Variants in RALGAPA2 observed in about 807,000 individuals in gnomAD.
RALGAPA2 encodes Ral GTPase activating protein catalytic subunit alpha 2.
In RALGAPA2, 139 loss-of-function variants were observed where a neutral mutation model predicts 230.4. The observed-to-expected ratio is 0.60, with a 90% CI of 0.53 to 0.69. The LOEUF (loss-of-function observed/expected upper bound fraction) is 0.69. RALGAPA2 is among the 30% of genes least tolerant of loss of function. RALGAPA2 has a pLI of 0.00. For missense variants in RALGAPA2, 2,163 were observed against 2,276.0 expected (o/e 0.95, Z 1.01); for synonymous variants, 847 against 837.8 (o/e 1.01, Z -0.19).
chr20:20,673,110 G>T (rs977016953), intron 3 of RALGAPA2, among the ~76,000 whole-genome samples: 66 of 151,910 alleles, frequency 4.3e-4, no homozygotes, highest in Middle Eastern at 3.4e-3. Flanking sequence ...GCATGAACCC[G>T]GGAGGCGGAG....
chr20:20,452,362 A>C (rs1466091484), intron 37 of RALGAPA2, among the ~76,000 whole-genome samples: 1 of 152,194 alleles, frequency 6.6e-6, no homozygotes, highest in Non-Finnish European at 1.5e-5. Flanking sequence ...TGTTTGAAAA[A>C]TTAGCAATGC....
At chr20:20,527,564 T>C (rs1472867835) in intron 27 of RALGAPA2, among the ~76,000 whole-genome samples, 2 of 152,028 alleles carry the variant, frequency 1.3e-5, no homozygotes, top group East Asian at 3.9e-4. Flanking sequence ...TGGCACAAAA[T>C]GTCATCTCCT....
intron 25 of RALGAPA2, 52 bp from the exon 26 acceptor site, chr20:20,535,855 C>T: frequency 3.3e-6 from 5 of 1,523,412 alleles, no homozygotes; most frequent in Non-Finnish European, 4.4e-6. Flanking sequence ...AGTTGGTTTC[C>T]CACATGTTCT....
chr20:20,448,292 G>A (rs2060910107), intron 37 of RALGAPA2, among the ~76,000 whole-genome samples: 1 of 152,172 alleles, frequency 6.6e-6, no homozygotes, highest in African/African-American at 2.4e-5. Flanking sequence ...GTAGAGTGTA[G>A]TTTAATCTCA....
At chr20:20,659,703 C>T (rs147107580) in intron 3 of RALGAPA2, 81 of 483,656 alleles carry the variant, frequency 1.7e-4, no homozygotes, top group Non-Finnish European at 2.3e-4. Context: ...ACAGCAGCAG[C>T]GAGAGGATGA....
chr20:20,481,962 C>A (rs202122171), intron 36 of RALGAPA2, among the ~76,000 whole-genome samples: 118 of 152,068 alleles, frequency 7.8e-4, no homozygotes, highest in African/African-American at 2.2e-3. Flanking sequence ...TAAAAAAAAA[C>A]CAAACAATTT....
At chr20:20,603,436 CCT>C (rs1410557669) in intron 15 of RALGAPA2, among the ~76,000 whole-genome samples, 1 of 152,164 alleles carries the variant, frequency 6.6e-6, no homozygotes, top group Non-Finnish European at 1.5e-5. Flanking sequence ...GTATCCACAT[CCT>C]CTGTTGTTCT....
At chr20:20,631,537 G>A (rs1410989641) in intron 9 of RALGAPA2, among the ~76,000 whole-genome samples, 1 of 152,188 alleles carries the variant, frequency 6.6e-6, no homozygotes. Context: ...GAGAAAAGGT[G>A]GTGTGATGCA....
At chr20:20,481,321 T>G (rs1225296625) in intron 36 of RALGAPA2, among the ~76,000 whole-genome samples, 1 of 152,228 alleles carries the variant, frequency 6.6e-6, no homozygotes, top group Non-Finnish European at 1.5e-5. Context: ...TGCAGACATC[T>G]TGATGGTCCA....
chr20:20,469,634 C>T (rs917022069), intron 37 of RALGAPA2, among the ~76,000 whole-genome samples: 3 of 152,188 alleles, frequency 2.0e-5, no homozygotes, highest in Non-Finnish European at 4.4e-5. Flanking sequence ...TGAACTCCTC[C>T]TAACGGGCAC....
chr20:20,601,618 T>C, intron 16 of RALGAPA2, 64 bp downstream of exon 16: 3 of 1,525,644 alleles, frequency 2.0e-6, no homozygotes, highest in Non-Finnish European at 2.7e-6. Flanking sequence ...TAACACACTT[T>C]ATGCCTATAA....
intron 36 of RALGAPA2, among the ~76,000 whole-genome samples, chr20:20,480,966 T>C (rs192732880): frequency 1.3e-5 from 2 of 152,304 alleles, no homozygotes; most frequent in African/African-American, 4.8e-5. Flanking sequence ...TAGGAGCTGC[T>C]TGTGGAGCCC....
At chr20:20,692,475 A>T (rs2068947374) in intron 1 of RALGAPA2, among the ~76,000 whole-genome samples, 1 of 151,964 alleles carries the variant, frequency 6.6e-6, no homozygotes, top group Non-Finnish European at 1.5e-5. Context: ...TAGAGCCTCC[A>T]TTTGCTCAGG....
rs565723341 is a variant in RALGAPA2 at position 20,564,483 on chromosome 20, T to G, written c.3156+6975A>C. 2.0e-4 allele frequency among the ~76,000 whole-genome samples: 30 copies of G among 152,340 alleles called. No homozygotes were observed. In the South Asian group the frequency reaches 5.6e-3, roughly 28 times the overall value. ...GTTAGTACAGATACTTGTTTATGCATCTCACACTCTCATAACCTGACTAGG... is the reference window on the plus strand; with the variant it reads ...GTTAGTACAGATACTTGTTTATGCAGCTCACACTCTCATAACCTGACTAGG... On this transcript the variant is annotated intron_variant, in intron 23 of 39. Transcript: ENST00000202677.
intron 38 of RALGAPA2, among the ~76,000 whole-genome samples, chr20:20,408,651 C>A (rs1297018646): frequency 1.3e-5 from 2 of 152,166 alleles, no homozygotes; most frequent in East Asian, 1.9e-4. Context: ...TTCCAGTTAA[C>A]CCTTTCAAGG....
chr20:20,540,057 C>T (rs1221074843), intron 24 of RALGAPA2, among the ~76,000 whole-genome samples: 1 of 152,198 alleles, frequency 6.6e-6, no homozygotes, highest in Non-Finnish European at 1.5e-5. Flanking sequence ...GTGAATGCTG[C>T]TGCACTGAAC....
intron 9 of RALGAPA2, among the ~76,000 whole-genome samples, chr20:20,630,790 G>C (rs998462024): frequency 1.3e-5 from 2 of 152,056 alleles, no homozygotes; most frequent in Non-Finnish European, 2.9e-5. Context: ...CAACGCACTT[G>C]GATTTCACAT....
At chr20:20,468,156 C>T (rs2061460787) in intron 37 of RALGAPA2, among the ~76,000 whole-genome samples, 1 of 152,174 alleles carries the variant, frequency 6.6e-6, no homozygotes, top group African/African-American at 2.4e-5. Context: ...AGTAGTGCCT[C>T]TTGTTTGCAT....
chr20:20,395,854 T>C (rs1051699000), intron 39 of RALGAPA2, among the ~76,000 whole-genome samples: 2 of 152,212 alleles, frequency 1.3e-5, no homozygotes, highest in Non-Finnish European at 2.9e-5. Flanking sequence ...AAGTGACTGG[T>C]GTCTGTGCCT....
Sources: allele counts gnomAD v4.1 joint callset (sites outside exome capture counted in the v4.1 genomes callset), GRCh38; gene constraint gnomAD v4.1.1; transcripts MANE v1.5; gene names NCBI Gene and HGNC (gene_info 2026-07-23, HGNC 2026-07-21).